SYNJ2: variants seen among roughly 807,000 people sequenced by gnomAD.
The protein encoded by SYNJ2 is polyphosphatidylinositol phosphatase SYNJ2.
In SYNJ2, 116 loss-of-function variants were observed where a neutral mutation model predicts 141.3. The ratio of observed to expected loss-of-function variants is 0.82; its 90% CI spans 0.71 to 0.96. The LOEUF (loss-of-function observed/expected upper bound fraction) is 0.96. SYNJ2 is among the 40% of genes least tolerant of loss of function. SYNJ2 has a pLI of 0.00. For missense variants in SYNJ2, 1,873 were observed against 1,934.8 expected (o/e 0.97, Z 0.60); for synonymous variants, 745 against 777.7 (o/e 0.96, Z 0.70).
intron 18 of SYNJ2, among the ~76,000 whole-genome samples, chr6:158,080,775 T>C (rs927981666): frequency 1.3e-5 from 2 of 152,236 alleles, no homozygotes; most frequent in African/African-American, 4.8e-5. Flanking sequence ...TGATGGCTGG[T>C]TATTTTCCAA....
At chr6:158,029,985 A>G (rs547805390) in intron 3 of SYNJ2, among the ~76,000 whole-genome samples, 1 of 152,190 alleles carries the variant, frequency 6.6e-6, no homozygotes, top group African/African-American at 2.4e-5. Context: ...ACAGTGCTAA[A>G]CCAGTCCCAT....
intron 23 of SYNJ2, 119 bp from the exon 24 acceptor site, chr6:158,088,541 G>A: frequency 1.4e-6 from 1 of 730,904 alleles, no homozygotes; most frequent in East Asian, 2.5e-5. Context: ...TGAGTATTCG[G>A]ACCTCACCGT....
chr6:158,097,291 G>C lies in SYNJ2; in HGVS notation c.*927G>C, dbSNP rs1783843475. 1 of 152,176 alleles carries C rather than the reference G, an allele frequency of 6.6e-6. No homozygotes were observed. The highest frequency in any genetic ancestry group is 6.5e-5 in the Admixed American group (1 of 15,278). 9.4% of individuals were successfully genotyped at this position (152,176 alleles called of 1,614,324 possible). The stretch of plus-strand genomic sequence containing the variant: ...CCTCGTCTGTCCGGCTGGAGCTTCG[G>C]GATGGAAAGTGCTATGTGTCCCTGC... On this transcript the variant is annotated 3_prime_UTR_variant, in exon 27 of 27. Transcript: ENST00000355585.
chr6:158,066,592 G>C lies in SYNJ2; in HGVS notation c.1674G>C (p.Trp558Cys). 1 of 1,614,020 alleles carries C rather than the reference G, an allele frequency of 6.2e-7. No individual in the cohort carries two copies. The highest frequency in any genetic ancestry group is 1.3e-5 in the African/African-American group (1 of 75,044). The change falls in exon 12 of 27, where the codon TGG becomes TGC. Residue 558 changes from tryptophan to cysteine, a missense_variant. Transcript: ENST00000355585. ...NVLRTAELTDWLLDSPQLSGA... is the reference protein window; with the variant it reads ...NVLRTAELTDCLLDSPQLSGA... Reference sequence around the variant, plus strand: ...TCAGGACGGCGGAGCTGACAGACTGGCTGCTCGACTCGCCCCAGCTCTCGG... The same window carrying C: ...TCAGGACGGCGGAGCTGACAGACTGCCTGCTCGACTCGCCCCAGCTCTCGG...
intron 5 of SYNJ2, among the ~76,000 whole-genome samples, chr6:158,044,873 T>C (rs932865686): frequency 6.6e-6 from 1 of 152,152 alleles, no homozygotes; most frequent in Non-Finnish European, 1.5e-5. Context: ...TCTTTAAATA[T>C]GGAGTTTTCC....
In SYNJ2 at chr6:158,033,671, G is replaced by T; in HGVS notation, c.702G>T (p.Glu234Asp). ...NDDGHVSNFV[E>D]TEQMIYMDDG... ...ACGGCCATGTGTCCAACTTCGTGGA[G>T]ACAGAGCAGGTGAGTGCCCAGGCCC... is the stretch of plus-strand genomic sequence containing the variant. The change falls in exon 4 of 27, where the codon GAG becomes GAT. Residue 234 changes from glutamate to aspartate, a missense_variant. Coordinates refer to ENST00000355585, the MANE Select transcript of SYNJ2 (RefSeq NM_003898.4). The T allele has an allele frequency of 6.2e-7, 1 of 1,608,972 alleles. No homozygotes were observed. Among genetic ancestry groups the T allele is most frequent in the South Asian group, 1.1e-5 (1 of 90,998 alleles).
chr6:157,981,751 A>AGGC (rs916996258), upstream of SYNJ2: 8 of 352,704 alleles, frequency 2.3e-5, no homozygotes, highest in East Asian at 9.6e-5. The surrounding 1 kb of genome is among the most constrained non-coding windows in gnomAD (Gnocchi z 6.4). Flanking sequence ...GCCGGGCGGG[A>AGGC]GGCGGCGGCG....
intron 7 of SYNJ2, among the ~76,000 whole-genome samples, chr6:158,061,496 A>T (rs1781216236): frequency 1.3e-5 from 2 of 152,294 alleles, no homozygotes; most frequent in African/African-American, 2.4e-5. Context: ...CACCTGGGCC[A>T]CTTCAGCTGG....
At position 158,087,117 on chromosome 6, in the gene SYNJ2, C is replaced by T. The variant is rs1312316350; in HGVS notation, c.3343+128C>T. Reference sequence around the variant, plus strand: ...CCGGTCCCCACAGGGCTTCCTCCTCCTTGGGCTCCGTTTTGTTGTAAATCC... The same window carrying T: ...CCGGTCCCCACAGGGCTTCCTCCTCTTTGGGCTCCGTTTTGTTGTAAATCC... On this transcript the variant is annotated intron_variant, in intron 23 of 26. Coordinates refer to ENST00000355585, the MANE Select transcript of SYNJ2 (RefSeq NM_003898.4). 21 of 1,097,600 alleles carry T rather than the reference C, an allele frequency of 1.9e-5. No individual in the cohort carries two copies. In the East Asian group the frequency reaches 5.4e-4, roughly 28 times the overall value. 68.0% of individuals were successfully genotyped at this position (1,097,600 alleles called of 1,614,324 possible).
intron 1 of SYNJ2, among the ~76,000 whole-genome samples, chr6:158,005,441 C>T (rs12526325): frequency 0.37 from 55,905 of 151,798 alleles, 10,421 homozygotes; most frequent in East Asian, 0.45. Flanking sequence ...CATAGCCCCT[C>T]GTCTGTCTCA....
intron 4 of SYNJ2, among the ~76,000 whole-genome samples, chr6:158,036,998 C>G (rs1779671460): frequency 6.6e-6 from 1 of 152,306 alleles, no homozygotes; most frequent in East Asian, 1.9e-4. Flanking sequence ...TGCATCTCAT[C>G]GAGTAAGTCC....
At chr6:158,034,210 C>T (rs1583365063) in intron 4 of SYNJ2, among the ~76,000 whole-genome samples, 1 of 152,216 alleles carries the variant, frequency 6.6e-6, no homozygotes, top group Non-Finnish European at 1.5e-5. Flanking sequence ...TTAATTTCTC[C>T]TGGAGTTTTT....
intron 1 of SYNJ2, among the ~76,000 whole-genome samples, chr6:158,016,314 A>G (rs1311303775): frequency 4.6e-5 from 7 of 152,128 alleles, no homozygotes; most frequent in Non-Finnish European, 7.4e-5. Flanking sequence ...GGGTTCCGCC[A>G]CGTTGCCCAG....
chr6:157,983,006 G>A (rs1234498692), intron 1 of SYNJ2, among the ~76,000 whole-genome samples: 3 of 152,182 alleles, frequency 2.0e-5, no homozygotes, highest in African/African-American at 7.2e-5. Flanking sequence ...GTGGACACCC[G>A]AGAGTAAGCT....
intron 16 of SYNJ2, 88 bp downstream of exon 16, chr6:158,074,826 G>A: frequency 1.4e-6 from 2 of 1,471,784 alleles, no homozygotes; most frequent in Non-Finnish European, 1.8e-6. Flanking sequence ...AGCAAATTCA[G>A]TTCCGTGAGT....
rs1445443746 is a variant in SYNJ2, at chr6:158,084,760, C to T, written c.3208+586C>T. On this transcript the variant is annotated intron_variant, in intron 22 of 26. Transcript: ENST00000355585. This position sits in a 1 kb window ranked among gnomAD's most constrained non-coding sequence, Gnocchi z 5.0. ...TGGGGAGGCAGAGGCTGCAATGAGC[C>T]GAGATCGCCCCACTGCACTCCAGCT... Among the ~76,000 whole-genome samples, 6 of 151,896 alleles carry T rather than the reference C, an allele frequency of 4.0e-5. No individual in the cohort carries two copies. Among genetic ancestry groups the T allele is most frequent in the African/African-American group, 1.5e-4 (6 of 41,336 alleles).
intron 26 of SYNJ2, chr6:158,094,036 C>T (rs760880078): frequency 6.5e-6 from 5 of 763,534 alleles, no homozygotes; most frequent in Admixed American, 5.1e-5. Flanking sequence ...AACGGACCCT[C>T]GGTAATCCCT....
Position 157,981,983 on chromosome 6 carries a change from C to A in SYNJ2, c.22C>A (p.Arg8=), listed in dbSNP as rs967020102. Residue 8 remains arginine (R), a synonymous_variant, in exon 1 of 27, where the codon CGG becomes AGG. Transcript: ENST00000355585. The surrounding 1 kb of genome is among the most constrained non-coding windows in gnomAD (Gnocchi z 6.4). MALSKGL[R]LLGRLGAEGD... ...CCTCATGGCCCTGAGCAAAGGGCTGCGGCTGCTGGGGCGCCTGGGGGCCGA... is the reference window on the plus strand; with the variant it reads ...CCTCATGGCCCTGAGCAAAGGGCTGAGGCTGCTGGGGCGCCTGGGGGCCGA... 66 of 1,273,664 alleles carry A rather than the reference C, an allele frequency of 5.2e-5. No individual in the cohort carries two copies. The highest frequency in any genetic ancestry group is 1.2e-4 in the Admixed American group (3 of 24,604). The allele number at this position is 1,273,664 out of a possible 1,614,324, so 78.9% of individuals were successfully genotyped here.
At chr6:157,999,773 G>T (rs904204019) in intron 1 of SYNJ2, among the ~76,000 whole-genome samples, 10 of 152,228 alleles carry the variant, frequency 6.6e-5, no homozygotes, top group African/African-American at 2.4e-4. Context: ...TCCCGGGCAG[G>T]TAGTGTTTGT....
Sources: allele counts gnomAD v4.1 joint callset (sites outside exome capture counted in the v4.1 genomes callset), GRCh38; gene constraint gnomAD v4.1.1; non-coding constraint Gnocchi (gnomAD v3.1); transcripts MANE v1.5; gene names NCBI Gene and HGNC (gene_info 2026-07-23, HGNC 2026-07-21).